Variants in GALNT8 observed in about 807,000 individuals in gnomAD.
GALNT8 encodes probable polypeptide N-acetylgalactosaminyltransferase 8.
Under a neutral mutation model 62.7 loss-of-function variants are expected in GALNT8, and 66 were observed. The observed-to-expected ratio is 1.05, with a 90% CI of 0.86 to 1.29. GALNT8 has a LOEUF of 1.29. Ranked by LOEUF, GALNT8 falls within the 50% of genes most tolerant of loss-of-function variation. The pLI, the probability that GALNT8 is intolerant of heterozygous loss-of-function variation, is 0.00. For missense variants in GALNT8, 771 were observed against 791.8 expected (o/e 0.97, Z 0.32); for synonymous variants, 288 against 294.3 (o/e 0.98, Z 0.22).
intron 6 of GALNT8, among the ~76,000 whole-genome samples, chr12:4,759,004 G>A (rs1946359882): frequency 6.6e-6 from 1 of 152,030 alleles, no homozygotes; most frequent in Non-Finnish European, 1.5e-5. Flanking sequence ...TCAAATTCCT[G>A]ACCTCAAGTG....
intron 6 of GALNT8, among the ~76,000 whole-genome samples, chr12:4,754,047 C>G (rs1002763954): frequency 1.3e-5 from 2 of 152,230 alleles, no homozygotes; most frequent in African/African-American, 4.8e-5. Flanking sequence ...GAGTCTATCT[C>G]TCTTTCTGTT....
chr12:4,760,886 T>G, intron 6 of GALNT8, 72 bp from the exon 7 acceptor site: 1 of 1,295,726 alleles, frequency 7.7e-7, no homozygotes, highest in South Asian at 1.3e-5. Context: ...TAAAATGTAG[T>G]CTTCTTGTGT....
chr12:4,751,428 A>G (rs369126646), intron 6 of GALNT8, among the ~76,000 whole-genome samples: 1 of 152,084 alleles, frequency 6.6e-6, no homozygotes, highest in Non-Finnish European at 1.5e-5. Context: ...TGTTTTTGCT[A>G]TATTCCATAG....
In GALNT8 at chr12:4,772,723, G is replaced by A; in HGVS notation, c.*126G>A. On this transcript the variant is annotated 3_prime_UTR_variant, in exon 11 of 11. Coordinates refer to ENST00000252318, the MANE Select transcript of GALNT8 (RefSeq NM_017417.2). ...GTATGTCTGTTTATGGCGACTTCAG[G>A]TGGGGCCTGTGCGTGTGCCGGGGTG... The A allele has an allele frequency of 2.8e-6, 2 of 725,002 alleles. No homozygotes were observed. The highest frequency in any genetic ancestry group is 2.7e-5 in the East Asian group (1 of 37,144). The allele number at this position is 725,002 out of a possible 1,614,324, so 44.9% of individuals were successfully genotyped here.
rs1430608929 is a variant in GALNT8, at chr12:4,720,901, T to A, written c.211+13T>A. 2 of 1,494,394 alleles carry A rather than the reference T, an allele frequency of 1.3e-6. No homozygotes were observed. The highest frequency in any genetic ancestry group is 1.9e-6 in the Non-Finnish European group (2 of 1,071,210). The allele number at this position is 1,494,394 out of a possible 1,614,324, so 92.6% of individuals were successfully genotyped here. A position where few individuals can be genotyped will look rare whatever the true frequency, so the allele number is the denominator to read the frequency against. Reference sequence around the variant, plus strand: ...TTGCAGGATCTGAGTAAGTTTACAATGCTAACCTGGAAGGTGTGTGTGTGG... The same window carrying A: ...TTGCAGGATCTGAGTAAGTTTACAAAGCTAACCTGGAAGGTGTGTGTGTGG... On this transcript the variant is annotated intron_variant, in intron 1 of 10. Transcript: ENST00000252318.
chr12:4,739,328 T>G lies in GALNT8; in HGVS notation c.675T>G (p.Asn225Lys). 1 of 1,611,478 alleles carries G rather than the reference T, an allele frequency of 6.2e-7. No individual in the cohort carries two copies. The highest frequency in any genetic ancestry group is 8.5e-7 in the Non-Finnish European group (1 of 1,178,214). Reference protein sequence around the residue: ...EIILVDDFSSNGELKVHLDEK... With the variant: ...EIILVDDFSSKGELKVHLDEK... ...TCTTGGTGGATGATTTCAGCTCAAA[T>G]GGTGAGCAACGTGATCAAAGAATAA... The change falls in exon 3 of 11, where the codon AAT becomes AAG. Residue 225 changes from asparagine to lysine, a missense_variant and splice_region_variant. Transcript: ENST00000252318.
chr12:4,721,803 G>T (rs192310588), intron 1 of GALNT8, among the ~76,000 whole-genome samples: 1 of 152,278 alleles, frequency 6.6e-6, no homozygotes, highest in Admixed American at 6.5e-5. Context: ...CTGGGGGACA[G>T]TCAGGTCTTT....
Position 4,726,725 on chromosome 12 carries a change from C to A in GALNT8, c.405C>A (p.Ala135=). ...AATGGGGCGAGGATCTTTCTGAGGCCCAGCAGAAGGCGGCCCAGGACCTCT... is the reference window on the plus strand; with the variant it reads ...AATGGGGCGAGGATCTTTCTGAGGCACAGCAGAAGGCGGCCCAGGACCTCT... ...FRQWGEDLSE[A]QQKAAQDLFR... is the part of the protein sequence containing the mutation. The change falls in exon 2 of 11, where the codon GCC becomes GCA. Residue 135 remains alanine, a synonymous_variant. Coordinates refer to ENST00000252318, the MANE Select transcript of GALNT8 (RefSeq NM_017417.2). The surrounding 1 kb of genome is among the most constrained non-coding windows in gnomAD (Gnocchi z 4.1). The A allele has an allele frequency of 6.2e-7, 1 of 1,613,938 alleles. No individual in the cohort carries two copies. The highest frequency in any genetic ancestry group is 8.5e-7 in the Non-Finnish European group (1 of 1,179,966).
In GALNT8 at chr12:4,745,444, G is replaced by C. The variant is rs1417754002; in HGVS notation, c.876G>C (p.Leu292Phe). ...CTTGTTCTAGGGCAGAGCCAATCTT[G>C]GCTCGGATTCAGGAGGACCGCACTG... ...EVNVGWAEPI[L>F]ARIQEDRTVI... is the part of the protein sequence containing the mutation. The change falls in exon 5 of 11, where the codon TTG becomes TTC. Residue 292 changes from leucine to phenylalanine, a missense_variant. Transcript: ENST00000252318. The C allele has an allele frequency of 6.2e-7, 1 of 1,611,106 alleles. No individual in the cohort carries two copies. Among genetic ancestry groups the C allele is most frequent in the Non-Finnish European group, 8.5e-7 (1 of 1,177,352 alleles).
intron 3 of GALNT8, among the ~76,000 whole-genome samples, chr12:4,743,037 A>G (rs1053380501): frequency 5.3e-5 from 8 of 152,228 alleles, no homozygotes; most frequent in Non-Finnish European, 1.2e-4. Flanking sequence ...TTTCTAAAAA[A>G]GAGACAGTCT....
At chr12:4,745,358 C>A in intron 4 of GALNT8, 71 bp from the exon 5 acceptor site, 2 of 973,402 alleles carry the variant, frequency 2.1e-6, no homozygotes, top group Non-Finnish European at 3.3e-6. Context: ...GTGCTTGGAA[C>A]AGCTTTATCT....
chr12:4,747,227 T>G (rs541525303), intron 6 of GALNT8, among the ~76,000 whole-genome samples: 1 of 152,308 alleles, frequency 6.6e-6, no homozygotes, highest in Admixed American at 6.5e-5. Context: ...AATCCAATTA[T>G]ATTCTTTTAG....
chr12:4,744,530 A>C lies in GALNT8; in HGVS notation c.690A>C (p.Val230=). 6.2e-7 allele frequency: 1 copy of C among 1,608,644 alleles called. No individual in the cohort carries two copies. Among genetic ancestry groups the C allele is most frequent in the Non-Finnish European group, 8.5e-7 (1 of 1,176,878 alleles). The change falls in exon 4 of 11, where the codon GTA becomes GTC. Residue 230 remains valine, a synonymous_variant. Transcript: ENST00000252318. ...DDFSSNGELK[V]HLDEKIKLYN... ...CTTGATTGACAGGAGAACTAAAGGT[A>C]CACTTGGATGAGAAGATTAAGCTTT...
At chr12:4,744,082 TAAAACAAAAC>T (rs1301903852) in intron 3 of GALNT8, among the ~76,000 whole-genome samples, 2 of 152,214 alleles carry the variant, frequency 1.3e-5, no homozygotes, top group Non-Finnish European at 2.9e-5. Context: ...TGGGAATATC[TAAAACAAAAC>T]AATTTTAGTC....
chr12:4,772,562 A>G lies in GALNT8; in HGVS notation c.1879A>G (p.Thr627Ala). The change falls in exon 11 of 11, where the codon ACT becomes GCT. Residue 627 changes from threonine (T) to alanine (A), a missense_variant. By Grantham distance (58) the Thr-to-Ala change is moderately conservative. Coordinates refer to ENST00000252318, the MANE Select transcript of GALNT8 (RefSeq NM_017417.2). ...CACGCAAGTGTGGGAAATCCAGCAC[A>G]CTGTCAGAGACTGGGGTCAGACCAA... Reference protein sequence around the residue: ...CSTQVWEIQHTVRDWGQTNSQ With the variant: ...CSTQVWEIQHAVRDWGQTNSQ 1 of 1,613,918 alleles carries G rather than the reference A, an allele frequency of 6.2e-7. No homozygotes were observed. The highest frequency in any genetic ancestry group is 8.5e-7 in the Non-Finnish European group (1 of 1,179,878).
At chr12:4,767,523 C>T (rs1303895521) in intron 10 of GALNT8, among the ~76,000 whole-genome samples, 1 of 152,168 alleles carries the variant, frequency 6.6e-6, no homozygotes, top group Non-Finnish European at 1.5e-5. Flanking sequence ...GAGGGCGGAA[C>T]TGAGACCCAC....
At chr12:4,735,328 G>C (rs929887829) in intron 2 of GALNT8, among the ~76,000 whole-genome samples, 2 of 152,172 alleles carry the variant, frequency 1.3e-5, no homozygotes, top group Admixed American at 6.5e-5. Flanking sequence ...GCAGGAGTCT[G>C]TGGCATTGGA....
In GALNT8 at chr12:4,739,284, C is replaced by G. The variant is rs200454053; in HGVS notation, c.631C>G (p.Arg211Gly). The G allele has an allele frequency of 1.6e-4, 261 of 1,613,664 alleles. 2 individuals are homozygous for G. The Middle Eastern group carries it at 0.01, about 63-fold the overall frequency. Reference protein sequence around the residue: ...ITSIINRTPSRLLKEIILVDD... With the variant: ...ITSIINRTPSGLLKEIILVDD... ...CAGTATCATCAACCGGACGCCCTCT[C>G]GATTGTTGAAGGAAATCATCTTGGT... Residue 211 changes from arginine (R) to glycine (G), a missense_variant, in exon 3 of 11, where the codon CGA becomes GGA. Physicochemically the swap from Arg to Gly is moderately radical, Grantham distance 125. Coordinates refer to ENST00000252318, the MANE Select transcript of GALNT8 (RefSeq NM_017417.2).
Position 4,721,849 on chromosome 12 carries a change from G to A in GALNT8, c.211+961G>A, listed in dbSNP as rs1591561875. 2.6e-5 allele frequency among the ~76,000 whole-genome samples: 4 copies of A among 152,336 alleles called. No individual in the cohort carries two copies. In the East Asian group the frequency reaches 7.7e-4, roughly 29 times the overall value. On this transcript the variant is annotated intron_variant, in intron 1 of 10. Transcript: ENST00000252318. ...GAGGCCATATTTCAGATGGTCACAT[G>A]GGGAGAAACCTTGGACAATACCTGG...
Sources: allele counts gnomAD v4.1 joint callset (sites outside exome capture counted in the v4.1 genomes callset), GRCh38; gene constraint gnomAD v4.1.1; non-coding constraint Gnocchi (gnomAD v3.1); transcripts MANE v1.5; gene names NCBI Gene and HGNC (gene_info 2026-07-23, HGNC 2026-07-21).